KPNA1: variants seen among roughly 807,000 people sequenced by gnomAD.
The protein encoded by KPNA1 is importin subunit alpha-5.
KPNA1 carries 10 observed loss-of-function variants against 70.5 expected under a neutral mutation model. That is an observed-to-expected ratio of 0.14 (90% confidence interval 0.09 to 0.24). KPNA1 has a LOEUF of 0.24. Among genes scored for constraint, KPNA1 ranks in the 10% least tolerant of loss-of-function variants. The pLI, the probability that KPNA1 is intolerant of heterozygous loss-of-function variation, is 1.00. For synonymous variants in KPNA1, 192 were observed against 221.9 expected (o/e 0.87, Z 1.20); for missense variants, 397 against 637.9 (o/e 0.62, Z 4.07).
intron 10 of KPNA1, among the ~76,000 whole-genome samples, chr3:122,437,994 A>G (rs1365332791): frequency 1.3e-5 from 2 of 152,246 alleles, no homozygotes; most frequent in South Asian, 2.1e-4. Flanking sequence ...ATAAAAAGCT[A>G]AACAGATTAA....
intron 8 of KPNA1, among the ~76,000 whole-genome samples, chr3:122,450,713 A>G (rs1435237306): frequency 6.6e-6 from 1 of 152,236 alleles, no homozygotes. Flanking sequence ...TAAAGAACTA[A>G]AAGTATATCT....
intron 1 of KPNA1, among the ~76,000 whole-genome samples, chr3:122,501,443 T>C (rs2107503694): frequency 6.6e-6 from 1 of 152,384 alleles, no homozygotes; most frequent in South Asian, 2.1e-4. Flanking sequence ...AAGTGTTTTC[T>C]GATTTCCTTT....
intron 12 of KPNA1, chr3:122,432,762 TTA>T (rs974590453): frequency 6.6e-6 from 1 of 152,180 alleles, no homozygotes; most frequent in African/African-American, 2.4e-5. Context: ...CCATCCATAT[TTA>T]TGTTTTCTTC....
chr3:122,492,046 G>A (rs373936641), intron 2 of KPNA1, among the ~76,000 whole-genome samples: 6 of 151,432 alleles, frequency 4.0e-5, no homozygotes, highest in East Asian at 1.9e-4. Context: ...ATTTTTAGTA[G>A]AGACGGGGTT....
intron 1 of KPNA1, 192 bp from the exon 2 acceptor site, chr3:122,496,762 G>A (rs1024470873): frequency 1.4e-5 from 6 of 430,606 alleles, no homozygotes; most frequent in African/African-American, 8.1e-5. Context: ...GGAGTACAGT[G>A]GTGCAATCAT....
chr3:122,489,563 C>A (rs2076674015), intron 2 of KPNA1, among the ~76,000 whole-genome samples: 1 of 152,188 alleles, frequency 6.6e-6, no homozygotes, highest in Non-Finnish European at 1.5e-5. Context: ...AACCACCATG[C>A]CTGGCAGAGT....
intron 12 of KPNA1, among the ~76,000 whole-genome samples, chr3:122,428,902 TTAAA>T (rs752067587): frequency 4.6e-5 from 7 of 152,130 alleles, no homozygotes; most frequent in African/African-American, 1.7e-4. Flanking sequence ...AATACCAAAA[TTAAA>T]TAAAGACATC....
rs754500937 is a variant in KPNA1, at chr3:122,453,844, C to A, written c.564+26G>T. 25 of 1,580,484 alleles carry A rather than the reference C, an allele frequency of 1.6e-5. No individual in the cohort carries two copies. In the South Asian group the frequency reaches 2.8e-4, roughly 18 times the overall value. ...ATGCCCAGCCAAAAACTTTCTTTCA[C>A]CTGCTTCTTTTTGTTTCATTTTTAC... is the stretch of plus-strand genomic sequence containing the variant. On this transcript the variant is annotated intron_variant, in intron 6 of 13. Transcript: ENST00000344337.
At chr3:122,479,526 G>A (rs977267262) in intron 2 of KPNA1, among the ~76,000 whole-genome samples, 3 of 152,162 alleles carry the variant, frequency 2.0e-5, no homozygotes, top group African/African-American at 4.8e-5. Flanking sequence ...TTGGGAGGCC[G>A]AGGCAGGTGG....
intron 1 of KPNA1, 49 bp from the exon 2 acceptor site, chr3:122,496,619 T>C: frequency 6.4e-7 from 1 of 1,563,486 alleles, no homozygotes; most frequent in South Asian, 1.1e-5. Context: ...TGAAGAGCTC[T>C]GTTATTCTAA....
chr3:122,493,774 G>A (rs898656687), intron 2 of KPNA1, among the ~76,000 whole-genome samples: 7 of 152,060 alleles, frequency 4.6e-5, no homozygotes, highest in East Asian at 1.9e-4. Flanking sequence ...TAGTAGAGAC[G>A]GGATTTCACC....
In KPNA1 at chr3:122,423,370, T is replaced by C. The variant is rs2075782072; in HGVS notation, c.*3615A>G. The C allele has an allele frequency of 6.6e-6, 1 of 152,220 alleles. No individual in the cohort carries two copies. Among genetic ancestry groups the C allele is most frequent in the Non-Finnish European group, 1.5e-5 (1 of 68,036 alleles). The allele number at this position is 152,220 out of a possible 1,614,324, so 9.4% of individuals were successfully genotyped here. A position where few individuals can be genotyped will look rare whatever the true frequency, so the allele number is the denominator to read the frequency against. On this transcript the variant is annotated 3_prime_UTR_variant, in exon 14 of 14. Transcript: ENST00000344337. ...ACCTGTGTCTGCAAATGAGCACATT[T>C]TGGAACGTAGGAGTTAGCATACAGT...
intron 13 of KPNA1, 101 bp downstream of exon 13, chr3:122,427,436 CT>C: frequency 8.4e-7 from 1 of 1,196,798 alleles, no homozygotes; most frequent in Non-Finnish European, 1.2e-6. Flanking sequence ...TAACAGTCCT[CT>C]TTTCATCCAG....
chr3:122,504,422 A>C (rs2076866337), intron 1 of KPNA1, among the ~76,000 whole-genome samples: 1 of 152,146 alleles, frequency 6.6e-6, no homozygotes, highest in African/African-American at 2.4e-5. Context: ...TCATCTTCAA[A>C]CACCACCATA....
At chr3:122,512,260 T>C (rs2076962835) in intron 1 of KPNA1, among the ~76,000 whole-genome samples, 2 of 152,034 alleles carry the variant, frequency 1.3e-5, no homozygotes, top group Non-Finnish European at 2.9e-5. Context: ...AATTTGTCTC[T>C]AAGGTCTGTA....
intron 10 of KPNA1, 35 bp from the exon 11 acceptor site, chr3:122,437,330 A>G (rs2076002496): frequency 6.7e-7 from 1 of 1,482,230 alleles, no homozygotes. Flanking sequence ...TACTTATTGT[A>G]TTGTTCTAAA....
At chr3:122,465,327 TGCCTA>T (rs1376837895) in intron 3 of KPNA1, among the ~76,000 whole-genome samples, 3 of 152,222 alleles carry the variant, frequency 2.0e-5, no homozygotes, top group African/African-American at 4.8e-5. Flanking sequence ...CAAACTTCAT[TGCCTA>T]GCCTAGCCTA....
chr3:122,476,741 A>G (rs2076501680), intron 2 of KPNA1, among the ~76,000 whole-genome samples: 2 of 151,918 alleles, frequency 1.3e-5, no homozygotes, highest in Non-Finnish European at 1.5e-5. Context: ...TAGAATGACA[A>G]TCATCAAACA....
At chr3:122,467,291 C>T (rs751698745) in intron 3 of KPNA1, 31 bp downstream of exon 3, 2 of 1,249,240 alleles carry the variant, frequency 1.6e-6, no homozygotes, top group East Asian at 2.4e-5. Flanking sequence ...ATCTTCATCA[C>T]AAAAACACTG....
Sources: gnomAD v4.1 joint callset for allele counts (sites outside exome capture counted in the v4.1 genomes callset) on GRCh38, gnomAD v4.1.1 for gene constraint, MANE v1.5 for transcripts, NCBI Gene and HGNC (gene_info 2026-07-23, HGNC 2026-07-21) for gene names.